Variants in ARHGEF17 observed in about 807,000 individuals in gnomAD.
ARHGEF17 encodes Rho guanine nucleotide exchange factor 17.
Under a neutral mutation model 174.0 loss-of-function variants are expected in ARHGEF17, and 80 were observed. That is an observed-to-expected ratio of 0.46 (90% CI 0.38 to 0.55). ARHGEF17 has a LOEUF of 0.55. Ranked by LOEUF, ARHGEF17 falls within the 20% of genes least tolerant of loss-of-function variation. The pLI is 0.00. For missense variants in ARHGEF17, 2,886 were observed against 2,839.7 expected (o/e 1.02, Z -0.37); for synonymous variants, 1,311 against 1,189.1 (o/e 1.10, Z -2.11).
In ARHGEF17 at chr11:73,332,349, CCGTGTGTG is replaced by C. The variant is rs1437311790; in HGVS notation, c.3193-14533_3193-14526del. The stretch of plus-strand genomic sequence containing the variant: ...GTATATTTCCCTCCAGGCTTTTTCT[CCGTGTGTG>C]TGTGTGTGTGTGTGTGTGTGTGTGT... On this transcript the variant is annotated intron_variant, in intron 1 of 20. Transcript: ENST00000263674. Among the ~76,000 whole-genome samples the C allele has an allele frequency of 2.1e-3, 240 of 114,348 alleles. 4 individuals are homozygous for C. Among genetic ancestry groups the C allele is most frequent in the African/African-American group, 7.6e-3 (222 of 29,158 alleles). The allele number at this position is 114,348 out of a possible 152,430, so 75.0% of individuals were successfully genotyped here. A position where few individuals can be genotyped will look rare whatever the true frequency, so the allele number is the denominator to read the frequency against.
rs138505190 is a variant in ARHGEF17 at position 73,326,485 on chromosome 11, C to T, written c.3192+14655C>T. On this transcript the variant is annotated intron_variant, in intron 1 of 20. Coordinates refer to ENST00000263674, the MANE Select transcript of ARHGEF17 (RefSeq NM_014786.4). ...CTTTGGGAGGCCGAGGTTGGGAGGC[C>T]GAGGAGGGCGGATCACCTGAGGTCA... is the stretch of plus-strand genomic sequence containing the variant. 6.1e-3 allele frequency among the ~76,000 whole-genome samples: 924 copies of T among 152,154 alleles called. 8 individuals are homozygous for T. Among genetic ancestry groups the T allele is most frequent in the Middle Eastern group, 0.027 (8 of 294 alleles).
Position 73,311,569 on chromosome 11 carries a change from T to C in ARHGEF17, c.2931T>C (p.Ser977=), listed in dbSNP as rs776001424. ...TTGTGGTGCCTGAGCCACCAACTTCTGTTGGTCCCCCTGTGGCTGTGCCAG... is the reference window on the plus strand; with the variant it reads ...TTGTGGTGCCTGAGCCACCAACTTCCGTTGGTCCCCCTGTGGCTGTGCCAG... The part of the protein sequence containing the change: ...MPIVVPEPPT[S]VGPPVAVPEP... Residue 977 remains serine, a synonymous_variant, in exon 1 of 21, where the codon TCT becomes TCC. Coordinates refer to ENST00000263674, the MANE Select transcript of ARHGEF17 (RefSeq NM_014786.4). 1 of 1,613,632 alleles carries C rather than the reference T, an allele frequency of 6.2e-7. No homozygotes were observed. Among genetic ancestry groups the C allele is most frequent in the South Asian group, 1.1e-5 (1 of 91,090 alleles).
intron 6 of ARHGEF17, 32 bp downstream of exon 6, chr11:73,356,383 C>T (rs1276483143): frequency 6.4e-7 from 1 of 1,553,362 alleles, no homozygotes; most frequent in Non-Finnish European, 8.7e-7. Flanking sequence ...CCACCCTACC[C>T]CACCCCACCC....
intron 1 of ARHGEF17, among the ~76,000 whole-genome samples, chr11:73,320,032 A>G (rs1864990686): frequency 6.6e-6 from 1 of 152,170 alleles, no homozygotes; most frequent in Non-Finnish European, 1.5e-5. Context: ...CGTCTCTGCC[A>G]GGCTGCCCCA....
At chr11:73,363,556 TCA>T in intron 15 of ARHGEF17, 101 bp downstream of exon 15, 1 of 1,529,670 alleles carries the variant, frequency 6.5e-7, no homozygotes, top group Middle Eastern at 2.2e-4. Context: ...GGGCTTTGGG[TCA>T]CACCTCAGGG....
rs1285288201 is a variant in ARHGEF17 at position 73,365,145 on chromosome 11, C to G, written c.5551-245C>G. 5.6e-6 allele frequency: 3 copies of G among 536,838 alleles called. No homozygotes were observed. In the African/African-American group the frequency reaches 5.7e-5, roughly 10 times the overall value. The allele number at this position is 536,838 out of a possible 1,614,324, so 33.3% of individuals were successfully genotyped here. On this transcript the variant is annotated intron_variant, in intron 18 of 20. Transcript: ENST00000263674. The surrounding 1 kb of genome is among the most constrained non-coding windows in gnomAD (Gnocchi z 4.9). ...GGAGGCCAGTGACTGATTTTAGAACCCTTTAAGCATTGAAGTTCTCTGATC... is the reference window on the plus strand; with the variant it reads ...GGAGGCCAGTGACTGATTTTAGAACGCTTTAAGCATTGAAGTTCTCTGATC...
intron 1 of ARHGEF17, among the ~76,000 whole-genome samples, chr11:73,342,668 G>C (rs780929873): frequency 1.3e-5 from 2 of 152,290 alleles, no homozygotes; most frequent in Admixed American, 6.5e-5. Context: ...TGGCTCCTCG[G>C]TGGGAAGCTG....
At chr11:73,318,494 G>A (rs982686576) in intron 1 of ARHGEF17, among the ~76,000 whole-genome samples, 1 of 152,176 alleles carries the variant, frequency 6.6e-6, no homozygotes, top group Non-Finnish European at 1.5e-5. Context: ...AAACAGGTGT[G>A]GTGGCACAGA....
chr11:73,318,604 T>C (rs2135789050), intron 1 of ARHGEF17, among the ~76,000 whole-genome samples: 1 of 152,360 alleles, frequency 6.6e-6, no homozygotes, highest in East Asian at 1.9e-4. Context: ...CACTTTAGCC[T>C]GGGCGACAGA....
At chr11:73,348,901 C>T (rs1865507354) in intron 2 of ARHGEF17, among the ~76,000 whole-genome samples, 1 of 152,090 alleles carries the variant, frequency 6.6e-6, no homozygotes, top group Non-Finnish European at 1.5e-5. Context: ...GGGTATTTAG[C>T]TGAGACCTGA....
At chr11:73,339,402 T>C (rs909819659) in intron 1 of ARHGEF17, among the ~76,000 whole-genome samples, 1 of 152,240 alleles carries the variant, frequency 6.6e-6, no homozygotes, top group Admixed American at 6.5e-5. Flanking sequence ...ATTAATTTAT[T>C]ATTTATTCAT....
intron 1 of ARHGEF17, among the ~76,000 whole-genome samples, chr11:73,322,641 GCAGGGAGGTCT>G (rs1755992350): frequency 6.6e-6 from 1 of 152,222 alleles, no homozygotes; most frequent in South Asian, 2.1e-4. Context: ...GCCAAGAGGG[GCAGGGAGGTCT>G]CAGTTTGACC....
rs745938782 is a variant in ARHGEF17 at position 73,311,565 on chromosome 11, C to A, written c.2927C>A (p.Thr976Asn). The A allele has an allele frequency of 1.2e-6, 2 of 1,613,668 alleles. No homozygotes were observed. The highest frequency in any genetic ancestry group is 3.3e-5 in the Admixed American group (2 of 60,026). Reference sequence around the variant, plus strand: ...CCTATTGTGGTGCCTGAGCCACCAACTTCTGTTGGTCCCCCTGTGGCTGTG... The same window carrying A: ...CCTATTGTGGTGCCTGAGCCACCAAATTCTGTTGGTCCCCCTGTGGCTGTG... ...FMPIVVPEPP[T>N]SVGPPVAVPE... The change falls in exon 1 of 21, where the codon ACT becomes AAT. Residue 976 changes from threonine to asparagine, a missense_variant. By Grantham distance (65) the Thr-to-Asn change is moderately conservative. Coordinates refer to ENST00000263674, the MANE Select transcript of ARHGEF17 (RefSeq NM_014786.4).
chr11:73,362,063 G>T lies in ARHGEF17; in HGVS notation c.4518G>T (p.Leu1506=), dbSNP rs1865748240. ...GMQFSCAAPT[L]NSCPEPSPEV... is the part of the protein sequence containing the mutation. ...AGTTCTCCTGTGCGGCTCCCACCCT[G>T]AACAGCTGCCCGGAGCCCTCGCCTG... The change falls in exon 13 of 21, where the codon CTG becomes CTT. Residue 1506 remains leucine (L), a synonymous_variant. Transcript: ENST00000263674. The T allele has an allele frequency of 6.2e-7, 1 of 1,612,634 alleles. No individual in the cohort carries two copies. Among genetic ancestry groups the T allele is most frequent in the African/African-American group, 1.3e-5 (1 of 74,930 alleles).
At chr11:73,329,367 A>T (rs1263556627) in intron 1 of ARHGEF17, among the ~76,000 whole-genome samples, 460 of 2,338 alleles carry the variant, frequency 0.2, 84 homozygotes, top group African/African-American at 0.34. Flanking sequence ...ATATATATAT[A>T]TATATATTTT....
At chr11:73,356,624 T>G (rs1865646295) in intron 6 of ARHGEF17, 85 bp from the exon 7 acceptor site, 8 of 1,552,176 alleles carry the variant, frequency 5.2e-6, no homozygotes, top group Non-Finnish European at 5.3e-6. Context: ...GCCCATGGAG[T>G]GGGGCCGAGG....
intron 17 of ARHGEF17, 103 bp from the exon 18 acceptor site, chr11:73,364,349 T>G (rs879503924): frequency 6.2e-7 from 1 of 1,601,600 alleles, no homozygotes; most frequent in Non-Finnish European, 8.5e-7. Context: ...GGGCCTTGGT[T>G]TCTTTGCTTA....
intron 1 of ARHGEF17, among the ~76,000 whole-genome samples, chr11:73,337,420 A>G (rs890408319): frequency 6.6e-6 from 1 of 151,878 alleles, no homozygotes; most frequent in Non-Finnish European, 1.5e-5. Context: ...AAAAAAAAAA[A>G]AAAAGCATGT....
In ARHGEF17 at chr11:73,308,572, G is replaced by A. The variant is rs1864730163; in HGVS notation, c.-67G>A. 1.5e-6 allele frequency: 2 copies of A among 1,321,448 alleles called. No homozygotes were observed. The highest frequency in any genetic ancestry group is 9.8e-7 in the Non-Finnish European group (1 of 1,022,850). The allele number at this position is 1,321,448 out of a possible 1,614,324, so 81.9% of individuals were successfully genotyped here. A position where few individuals can be genotyped will look rare whatever the true frequency, so the allele number is the denominator to read the frequency against. On this transcript the variant is annotated 5_prime_UTR_variant, in exon 1 of 21. In the 5' UTR this introduces an upstream ATG that the reference lacks. Transcript: ENST00000263674. Reference sequence around the variant, plus strand: ...GCGTGGGCCGCTGCGCTCCTAGGGAGTGGGGGCGCAGGGGGGGTTGGCCGC... The same window carrying A: ...GCGTGGGCCGCTGCGCTCCTAGGGAATGGGGGCGCAGGGGGGGTTGGCCGC...
Sources: gnomAD v4.1 joint callset for allele counts (sites outside exome capture counted in the v4.1 genomes callset) on GRCh38, gnomAD v4.1.1 for gene constraint, Gnocchi (gnomAD v3.1) non-coding constraint, MANE v1.5 for transcripts, NCBI Gene and HGNC (gene_info 2026-07-23, HGNC 2026-07-21) for gene names.